RGS7: variants seen among roughly 807,000 people sequenced by gnomAD.
RGS7 encodes the protein regulator of G protein signaling 7.
A neutral mutation model predicts 81.1 loss-of-function variants in RGS7; 27 were observed. The observed-to-expected ratio is 0.33, with a 90% confidence interval of 0.25 to 0.46. RGS7 has a LOEUF of 0.46. Ranked by LOEUF, RGS7 falls within the 20% of genes least tolerant of loss-of-function variation. The pLI is 1.00. For missense variants in RGS7, 396 were observed against 607.4 expected (o/e 0.65, Z 3.66); for synonymous variants, 208 against 207.7 (o/e 1.00, Z -0.01).
chr1:241,097,183 C>T (rs939251521), intron 3 of RGS7, among the ~76,000 whole-genome samples: 2 of 151,672 alleles, frequency 1.3e-5, no homozygotes, highest in African/African-American at 2.4e-5. Flanking sequence ...GAACTGACTA[C>T]TGAAGAATGG....
At chr1:241,339,634 T>C (rs75886748) in intron 2 of RGS7, among the ~76,000 whole-genome samples, 2,473 of 152,286 alleles carry the variant, frequency 0.016, 77 homozygotes, top group African/African-American at 0.057. Context: ...TCAGGGACCA[T>C]TGTTGTTCTA....
At chr1:241,056,047 C>T (rs1465056134) in intron 3 of RGS7, among the ~76,000 whole-genome samples, 2 of 152,096 alleles carry the variant, frequency 1.3e-5, no homozygotes, top group African/African-American at 4.8e-5. Flanking sequence ...TGTTTGCAAG[C>T]CCCTGACCTG....
chr1:240,801,822 T>TA (rs531210084), intron 16 of RGS7, among the ~76,000 whole-genome samples: 80 of 152,286 alleles, frequency 5.3e-4, no homozygotes, highest in African/African-American at 1.8e-3. Context: ...CCTAAATATT[T>TA]AAAAATCTAG....
At chr1:241,101,364 C>T (rs2064722792) in intron 2 of RGS7, among the ~76,000 whole-genome samples, 1 of 152,072 alleles carries the variant, frequency 6.6e-6, no homozygotes, top group Admixed American at 6.5e-5. Flanking sequence ...GGCATGGTGA[C>T]AGGCGCCTGT....
At chr1:240,962,266 A>G (rs969176088) in intron 4 of RGS7, among the ~76,000 whole-genome samples, 1 of 151,986 alleles carries the variant, frequency 6.6e-6, no homozygotes, top group African/African-American at 2.4e-5. Context: ...GGAGCCCTCT[A>G]TGTGGCTGCT....
intron 2 of RGS7, among the ~76,000 whole-genome samples, chr1:241,266,961 C>T (rs1469656910): frequency 6.6e-6 from 1 of 152,108 alleles, no homozygotes; most frequent in African/African-American, 2.4e-5. Flanking sequence ...CTGTATGTAC[C>T]GTGATTAAGC....
intron 14 of RGS7, among the ~76,000 whole-genome samples, chr1:240,809,157 A>G (rs956893229): frequency 6.6e-6 from 1 of 152,216 alleles, no homozygotes; most frequent in Non-Finnish European, 1.5e-5. Flanking sequence ...TTTTCTTAGC[A>G]CTTGCTCTAT....
intron 9 of RGS7, among the ~76,000 whole-genome samples, chr1:240,860,187 A>G (rs1661948168): frequency 6.6e-6 from 1 of 152,182 alleles, no homozygotes; most frequent in Admixed American, 6.6e-5. Flanking sequence ...TGTATTAAGT[A>G]TTCTATAGAT....
At chr1:241,016,343 C>T (rs558995221) in intron 3 of RGS7, among the ~76,000 whole-genome samples, 15 of 152,102 alleles carry the variant, frequency 9.9e-5, no homozygotes, top group Non-Finnish European at 2.1e-4. Context: ...CATCGTGAGA[C>T]CCTGTCTCTA....
chr1:241,302,592 G>A (rs1278972298), intron 2 of RGS7, among the ~76,000 whole-genome samples: 2 of 151,940 alleles, frequency 1.3e-5, no homozygotes, highest in Non-Finnish European at 2.9e-5. Context: ...CTTCTACTCA[G>A]ATAGGGAGCA....
chr1:241,046,916 T>C (rs981405314), intron 3 of RGS7, among the ~76,000 whole-genome samples: 11 of 152,090 alleles, frequency 7.2e-5, no homozygotes, highest in African/African-American at 2.7e-4. Context: ...CTACTGCCCA[T>C]AGATCCCCAA....
At chr1:241,085,475 A>G (rs2063377616) in intron 3 of RGS7, among the ~76,000 whole-genome samples, 1 of 152,088 alleles carries the variant, frequency 6.6e-6, no homozygotes, top group Admixed American at 6.6e-5. Context: ...TCCAGACTGG[A>G]CTGCAGTGGC....
chr1:241,004,236 C>T (rs190740505), intron 3 of RGS7, among the ~76,000 whole-genome samples: 2 of 152,160 alleles, frequency 1.3e-5, no homozygotes, highest in African/African-American at 2.4e-5. Flanking sequence ...CCATTATAAA[C>T]TTGCAGTTGC....
chr1:240,946,804 T>A (rs1678697020), intron 4 of RGS7, among the ~76,000 whole-genome samples: 1 of 152,188 alleles, frequency 6.6e-6, no homozygotes, highest in South Asian at 2.1e-4. Context: ...GGTGCTCTAT[T>A]ACACAGTAGG....
intron 18 of RGS7, among the ~76,000 whole-genome samples, chr1:240,792,454 G>A (rs1238838332): frequency 7.4e-6 from 1 of 135,458 alleles, no homozygotes; most frequent in African/African-American, 2.8e-5. Context: ...ATATGTTCTT[G>A]ATTACCTTCT....
At chr1:240,977,454 T>C (rs897150300) in intron 4 of RGS7, among the ~76,000 whole-genome samples, 7 of 152,238 alleles carry the variant, frequency 4.6e-5, no homozygotes, top group African/African-American at 1.7e-4. Context: ...ATCTTTTAGA[T>C]TCTTACTGAT....
In RGS7 at chr1:241,006,292, C is replaced by T. The variant is rs146945924; in HGVS notation, c.176-23163G>A. 4.6e-4 allele frequency among the ~76,000 whole-genome samples: 70 copies of T among 152,308 alleles called. 1 individual carries two copies. The highest frequency in any genetic ancestry group is 1.6e-3 in the African/African-American group (68 of 41,574). On this transcript the variant is annotated intron_variant, in intron 3 of 18. Transcript: ENST00000440928. ...ACACATTTATCTGTCTTTATAGCTCCTTTCTCCTGTTTTCTGTTGGACTTT... is the reference window on the plus strand; with the variant it reads ...ACACATTTATCTGTCTTTATAGCTCTTTTCTCCTGTTTTCTGTTGGACTTT...
chr1:240,907,835 C>T (rs990704735), intron 6 of RGS7, among the ~76,000 whole-genome samples: 3 of 152,090 alleles, frequency 2.0e-5, no homozygotes, highest in African/African-American at 7.2e-5. Flanking sequence ...TGAAACATGG[C>T]GTCTTGTCGG....
At position 240,775,923 on chromosome 1, in the gene RGS7, TA is replaced by T; in HGVS notation, c.*296del. ...AAGGTTTTACTTCACTTGAACTTGTTAAAAAGGAAGAGACACAGATCCAGCA... is the reference window on the plus strand; with the variant it reads ...AAGGTTTTACTTCACTTGAACTTGTTAAAAGGAAGAGACACAGATCCAGCA... On this transcript the variant is annotated 3_prime_UTR_variant, in exon 19 of 19. Coordinates refer to ENST00000440928, the MANE Select transcript of RGS7 (RefSeq NM_001364886.1). 3 of 498,274 alleles carry T rather than the reference TA, an allele frequency of 6.0e-6. No individual in the cohort carries two copies. The highest frequency in any genetic ancestry group is 1.1e-5 in the Non-Finnish European group (3 of 274,054). The allele number at this position is 498,274 out of a possible 1,614,324, so 30.9% of individuals were successfully genotyped here.
Sources: allele counts gnomAD v4.1 joint callset (sites outside exome capture counted in the v4.1 genomes callset), GRCh38; gene constraint gnomAD v4.1.1; transcripts MANE v1.5; gene names NCBI Gene and HGNC (gene_info 2026-07-23, HGNC 2026-07-21).